The following B3GALT1 variants were observed in gnomAD, a reference collection of about 807,000 sequenced individuals.
The protein encoded by B3GALT1 is beta-1,3-galactosyltransferase 1.
B3GALT1 carries 10 observed loss-of-function variants against 23.2 expected under a neutral mutation model. That is an observed-to-expected ratio of 0.43 (90% CI 0.27 to 0.73). B3GALT1 has a LOEUF of 0.73. B3GALT1 is among the 30% of genes least tolerant of loss of function. The pLI is 0.21. For missense variants in B3GALT1, 299 were observed against 405.4 expected, an observed-to-expected ratio of 0.74 and a Z score of 2.25; for synonymous variants, 156 against 141.5, an observed-to-expected ratio of 1.10 and a Z score of -0.73.
intron 3 of B3GALT1, among the ~76,000 whole-genome samples, chr2:167,668,689 C>A (rs535404540): frequency 6.6e-6 from 1 of 152,146 alleles, no homozygotes; most frequent in East Asian, 1.9e-4. Context: ...AAGCAGTCTT[C>A]GGGTGGGAGT....
intron 3 of B3GALT1, among the ~76,000 whole-genome samples, chr2:167,773,511 A>C (rs1375208377): frequency 6.6e-6 from 1 of 152,204 alleles, no homozygotes; most frequent in Non-Finnish European, 1.5e-5. Flanking sequence ...CCTTGTATAG[A>C]CTAAAGATAA....
At chr2:167,298,793 AC>A (rs1284834745) in intron 1 of B3GALT1, among the ~76,000 whole-genome samples, 1 of 152,046 alleles carries the variant, frequency 6.6e-6, no homozygotes, top group African/African-American at 2.4e-5. Flanking sequence ...GTTTTTTGTT[AC>A]TGTTTTTCTT....
At chr2:167,654,687 G>A (rs1685926660) in intron 3 of B3GALT1, among the ~76,000 whole-genome samples, 1 of 151,792 alleles carries the variant, frequency 6.6e-6, no homozygotes, top group South Asian at 2.1e-4. Flanking sequence ...GTAGAGACAG[G>A]ATCTTGCTTT....
At chr2:167,609,284 C>T (rs1685017156) in intron 2 of B3GALT1, among the ~76,000 whole-genome samples, 1 of 152,150 alleles carries the variant, frequency 6.6e-6, no homozygotes, top group African/African-American at 2.4e-5. Context: ...AAAGCTTTAG[C>T]TCCCAACTGG....
intron 2 of B3GALT1, among the ~76,000 whole-genome samples, chr2:167,613,401 G>A (rs1377270444): frequency 6.6e-6 from 1 of 151,446 alleles, no homozygotes; most frequent in Non-Finnish European, 1.5e-5. Context: ...TTCATGGTAT[G>A]TATTGTTAAG....
At chr2:167,692,937 C>T (rs1686737114) in intron 3 of B3GALT1, among the ~76,000 whole-genome samples, 1 of 151,944 alleles carries the variant, frequency 6.6e-6, no homozygotes, top group Non-Finnish European at 1.5e-5. Flanking sequence ...GCAATTCAGG[C>T]CAATTTCCAA....
chr2:167,809,438 A>T (rs559608663), intron 3 of B3GALT1, among the ~76,000 whole-genome samples: 25 of 152,072 alleles, frequency 1.6e-4, no homozygotes, highest in Non-Finnish European at 3.4e-4. Context: ...GTCTTTGATG[A>T]TGGTGACGTA....
chr2:167,727,104 C>T lies in B3GALT1; in HGVS notation c.-352+80138C>T, dbSNP rs74665275. ...CATTGACCAGTACAAGGCATCTTTA[C>T]TTTTTTTTTTAGCTTAGAGATACCA... On this transcript the variant is annotated intron_variant, in intron 3 of 4. Coordinates refer to ENST00000392690, the MANE Select transcript of B3GALT1 (RefSeq NM_020981.4). Among the ~76,000 whole-genome samples, 25 of 97,124 alleles carry T rather than the reference C, an allele frequency of 2.6e-4. No homozygotes were observed. The South Asian group carries it at 5.1e-3, about 20-fold the overall frequency. 63.7% of individuals were successfully genotyped at this position (97,124 alleles called of 152,430 possible).
intron 4 of B3GALT1, among the ~76,000 whole-genome samples, chr2:167,861,373 G>A (rs998797527): frequency 3.9e-5 from 6 of 152,168 alleles, no homozygotes; most frequent in African/African-American, 1.2e-4. Context: ...TGTTACTGTA[G>A]CTATAGCAAA....
intron 1 of B3GALT1, among the ~76,000 whole-genome samples, chr2:167,364,758 C>A (rs1574049993): frequency 1.3e-5 from 2 of 152,224 alleles, no homozygotes; most frequent in South Asian, 4.1e-4. Flanking sequence ...AGAAGTTGTG[C>A]TTTACATTTA....
At chr2:167,298,242 A>T (rs1429490154) in intron 1 of B3GALT1, among the ~76,000 whole-genome samples, 1 of 152,140 alleles carries the variant, frequency 6.6e-6, no homozygotes, top group Non-Finnish European at 1.5e-5. Context: ...ACTTTACTCC[A>T]GGAAGTTGAT....
intron 3 of B3GALT1, among the ~76,000 whole-genome samples, chr2:167,701,095 G>C (rs1319073631): frequency 6.6e-6 from 1 of 152,042 alleles, no homozygotes; most frequent in Non-Finnish European, 1.5e-5. Flanking sequence ...TTTTACAAAA[G>C]ACAAAAAACA....
chr2:167,467,593 G>A (rs1021370033), intron 1 of B3GALT1, among the ~76,000 whole-genome samples: 2 of 152,198 alleles, frequency 1.3e-5, no homozygotes, highest in African/African-American at 4.8e-5. Flanking sequence ...CAGGGGAGCA[G>A]AAGGCCATTC....
At chr2:167,356,957 A>G (rs1217764013) in intron 1 of B3GALT1, among the ~76,000 whole-genome samples, 1 of 152,078 alleles carries the variant, frequency 6.6e-6, no homozygotes, top group Non-Finnish European at 1.5e-5. Context: ...TGTATTTTTT[A>G]ATAGACAAAT....
At chr2:167,408,288 T>C (rs1233499102) in intron 1 of B3GALT1, among the ~76,000 whole-genome samples, 1 of 152,224 alleles carries the variant, frequency 6.6e-6, no homozygotes. Context: ...TTTGAATAGA[T>C]GCTGAAAAAG....
intron 1 of B3GALT1, among the ~76,000 whole-genome samples, chr2:167,400,194 C>CTGTGTGTGTGTA (rs1698166229): frequency 2.2e-5 from 1 of 46,284 alleles, no homozygotes; most frequent in Admixed American, 2.6e-4. Context: ...GTGTGTGTGT[C>CTGTGTGTGTGTA]TGTGTGTGTG....
At chr2:167,588,783 A>T (rs186735841) in intron 2 of B3GALT1, among the ~76,000 whole-genome samples, 5 of 151,940 alleles carry the variant, frequency 3.3e-5, no homozygotes. Context: ...AAATGGTTAT[A>T]TATATATATA....
intron 3 of B3GALT1, among the ~76,000 whole-genome samples, chr2:167,673,172 G>C (rs2105485595): frequency 6.6e-6 from 1 of 152,210 alleles, no homozygotes; most frequent in South Asian, 2.1e-4. Flanking sequence ...CTTTCTACCA[G>C]AAAATCTCAA....
At chr2:167,355,130 C>T (rs940321632) in intron 1 of B3GALT1, among the ~76,000 whole-genome samples, 15 of 152,214 alleles carry the variant, frequency 9.9e-5, no homozygotes, top group Non-Finnish European at 1.9e-4. Context: ...GTTGCTGTTG[C>T]TACCTATAAA....
Sources: allele counts gnomAD v4.1 joint callset (sites outside exome capture counted in the v4.1 genomes callset), GRCh38; gene constraint gnomAD v4.1.1; transcripts MANE v1.5; gene names NCBI Gene and HGNC (gene_info 2026-07-23, HGNC 2026-07-21).